Variants in C12orf76 observed in about 807,000 individuals in gnomAD.
C12orf76 encodes uncharacterized protein C12orf76.
Under a neutral mutation model 6.8 loss-of-function variants are expected in C12orf76, and 6 were observed. The ratio of observed to expected loss-of-function variants is 0.88; its 90% confidence interval spans 0.48 to 1.73. The LOEUF (loss-of-function observed/expected upper bound fraction) is 1.73. Among genes scored for constraint, C12orf76 ranks in the 40% most tolerant of loss-of-function variants. C12orf76 has a pLI of 0.01. For missense variants in C12orf76, 99 were observed against 98.2 expected (o/e 1.01, Z -0.03); for synonymous variants, 56 against 43.7 (o/e 1.28, Z -1.11).
In C12orf76 at chr12:110,041,771, C is replaced by A; in HGVS notation, c.*603G>T. ...TTCAGAGCATTCCAGGCCAAAGGTG[C>A]ATATAGTAACAGGTCTACCTGATGT... On this transcript the variant is annotated 3_prime_UTR_variant, in exon 2 of 2. Coordinates refer to ENST00000615315, the MANE Select transcript of C12orf76 (RefSeq NM_001389625.1). 6.5e-6 allele frequency: 1 copy of A among 154,022 alleles called. No homozygotes were observed. Among genetic ancestry groups the A allele is most frequent in the Non-Finnish European group, 1.4e-5 (1 of 69,174 alleles). 9.5% of individuals were successfully genotyped at this position (154,022 alleles called of 1,614,324 possible).
At chr12:110,052,972 G>A (rs57817144), upstream of C12orf76, among the ~76,000 whole-genome samples, 4,386 of 152,254 alleles carry the variant, frequency 0.029, 152 homozygotes, top group African/African-American at 0.078. Flanking sequence ...GGAGGCCAAG[G>A]TGGGCGGATC....
upstream of C12orf76, among the ~76,000 whole-genome samples, chr12:110,068,268 G>GAA (rs1313581287): frequency 1.0e-3 from 122 of 122,546 alleles, no homozygotes; most frequent in African/African-American, 3.1e-3. Flanking sequence ...AGAAGAAGAA[G>GAA]AAGAAGAAGA....
At chr12:110,071,782 T>G (rs1043599271), upstream of C12orf76, among the ~76,000 whole-genome samples, 11 of 152,166 alleles carry the variant, frequency 7.2e-5, no homozygotes, top group African/African-American at 2.6e-4. Context: ...CCCACAAGCA[T>G]GGCTATAATT....
At chr12:110,052,194 C>A (rs548780143), upstream of C12orf76, among the ~76,000 whole-genome samples, 25 of 149,626 alleles carry the variant, frequency 1.7e-4, no homozygotes, top group East Asian at 4.8e-3. Context: ...CCGTGCCCGG[C>A]CTTCTTTTTT....
intron 1 of C12orf76, chr12:110,044,127 A>T (rs1892387961): frequency 6.6e-6 from 1 of 152,176 alleles, no homozygotes; most frequent in Non-Finnish European, 1.5e-5. Context: ...TATCTCAGCG[A>T]TCTTGGGAAG....
At chr12:110,068,392 A>AGTGTGAACCCTTATCTTCATCCAT (rs1892919574), upstream of C12orf76, among the ~76,000 whole-genome samples, 1 of 152,184 alleles carries the variant, frequency 6.6e-6, no homozygotes, top group Non-Finnish European at 1.5e-5. Flanking sequence ...CTGATGACAT[A>AGTGTGAACCCTTATCTTCATCCAT]GTGTGAACCC....
At chr12:110,050,843 G>C (rs183207348), upstream of C12orf76, 1 of 603,596 alleles carries the variant, frequency 1.7e-6, no homozygotes, top group Non-Finnish European at 2.9e-6. Context: ...TCTTTCTTGC[G>C]CTAGATCCAA....
upstream of C12orf76, among the ~76,000 whole-genome samples, chr12:110,052,217 G>A (rs537509606): frequency 3.5e-4 from 52 of 149,910 alleles, no homozygotes; most frequent in African/African-American, 1.2e-3. Flanking sequence ...TTTTTGAGAC[G>A]GAGTCTCGCT....
upstream of C12orf76, chr12:110,049,204 T>A (rs1198632521): frequency 6.6e-6 from 1 of 152,264 alleles, no homozygotes; most frequent in Non-Finnish European, 1.5e-5. Flanking sequence ...ACTCAGTACC[T>A]GTTTTAAGAA....
At chr12:110,067,554 G>A in exon 1 of C12orf76, 6 of 985,494 alleles carry the variant, frequency 6.1e-6, no homozygotes, top group Non-Finnish European at 7.2e-6. Flanking sequence ...AAAATCCACT[G>A]GATGTGGTTC....
chr12:110,046,816 A>G (rs1214176484), intron 1 of C12orf76, among the ~76,000 whole-genome samples: 6 of 152,060 alleles, frequency 3.9e-5, no homozygotes, highest in Admixed American at 3.9e-4. Flanking sequence ...GTCTGGAGAG[A>G]TTTTGACTAT....
intron 2 of C12orf76, among the ~76,000 whole-genome samples, chr12:110,063,602 T>A (rs867836779): frequency 5.8e-5 from 8 of 138,764 alleles, no homozygotes; most frequent in Admixed American, 5.1e-4. Context: ...GGATTTTTAT[T>A]TTTATTTATT....
chr12:110,050,091 TGTCTGCGGCTC>T (rs1006400505), upstream of C12orf76: 5 of 152,206 alleles, frequency 3.3e-5, no homozygotes, highest in Non-Finnish European at 5.9e-5. Flanking sequence ...TGAGAGGTTT[TGTCTGCGGCTC>T]GTCCTGCTAC....
At chr12:110,068,329 A>G (rs566727136), upstream of C12orf76, among the ~76,000 whole-genome samples, 903 of 127,200 alleles carry the variant, frequency 7.1e-3, 30 homozygotes, top group African/African-American at 0.023. Context: ...GAAGAAGAAG[A>G]AGGCGGCCAA....
In C12orf76 at chr12:110,044,861, T is replaced by C. The variant is rs536876561; in HGVS notation, c.134-2402A>G. ...GATGGTGCATGCCTGTAATCCCAGC[T>C]ACTTGGGAGGCTGAGGCAGGAGAAT... On this transcript the variant is annotated intron_variant, in intron 1 of 1. Coordinates refer to ENST00000615315, the MANE Select transcript of C12orf76 (RefSeq NM_001389625.1). Among the ~76,000 whole-genome samples, 3 of 151,964 alleles carry C rather than the reference T, an allele frequency of 2.0e-5. No individual in the cohort carries two copies. The South Asian group carries it at 6.2e-4, about 32-fold the overall frequency.
chr12:110,072,660 C>T (rs896738265), upstream of C12orf76, among the ~76,000 whole-genome samples: 5 of 152,126 alleles, frequency 3.3e-5, no homozygotes, highest in Non-Finnish European at 7.4e-5. Flanking sequence ...CGGTGGCTCA[C>T]GCCTATAATC....
chr12:110,072,961 A>G (rs992229177), intron 1 of C12orf76, among the ~76,000 whole-genome samples: 16 of 151,280 alleles, frequency 1.1e-4, no homozygotes, highest in African/African-American at 3.9e-4. Context: ...AAAAAAAAAA[A>G]GAAAAAAGAA....
chr12:110,069,211 C>T (rs138652359), upstream of C12orf76, among the ~76,000 whole-genome samples: 349 of 152,216 alleles, frequency 2.3e-3, 1 homozygote, highest in African/African-American at 7.9e-3. Flanking sequence ...GAGGCCAAGG[C>T]GGGCGGATCA....
upstream of C12orf76, chr12:110,048,573 T>A: frequency 3.7e-6 from 5 of 1,340,062 alleles, no homozygotes; most frequent in South Asian, 1.9e-5. Context: ...TCTCTCTGCG[T>A]CGCTGCCACC....
Sources: allele counts gnomAD v4.1 joint callset (sites outside exome capture counted in the v4.1 genomes callset), GRCh38; gene constraint gnomAD v4.1.1; transcripts MANE v1.5; gene names NCBI Gene and HGNC (gene_info 2026-07-23, HGNC 2026-07-21).